SLC25A42: variants seen among roughly 807,000 people sequenced by gnomAD.
SLC25A42 encodes the protein solute carrier family 25 member 42.
SLC25A42 carries 19 observed loss-of-function variants against 34.7 expected under a neutral mutation model. The observed-to-expected ratio is 0.55, with a 90% CI of 0.38 to 0.80. The LOEUF is 0.80. Among genes scored for constraint, SLC25A42 ranks in the 30% least tolerant of loss-of-function variants. The pLI, the probability that SLC25A42 is intolerant of heterozygous loss-of-function variation, is 0.00. For synonymous variants in SLC25A42, 205 were observed against 191.2 expected (o/e 1.07, Z -0.59); for missense variants, 364 against 441.3 (o/e 0.82, Z 1.57).
chr19:19,110,400 G>A (rs576295495), intron 7 of SLC25A42, among the ~76,000 whole-genome samples, 169 bp from the exon 8 acceptor site: 10 of 152,322 alleles, frequency 6.6e-5, no homozygotes, highest in African/African-American at 2.4e-4. Flanking sequence ...ACCCGGAGGT[G>A]AGGCAGTGGG....
intron 6 of SLC25A42, chr19:19,107,010 A>G (rs1300260592): frequency 6.7e-6 from 1 of 149,022 alleles, no homozygotes; most frequent in Admixed American, 6.8e-5. Context: ...GATCATGAAA[A>G]ATGTGTAAGA....
In SLC25A42 at chr19:19,103,168, A is replaced by G. The variant is rs184497462; in HGVS notation, c.187+1282A>G. Among the ~76,000 whole-genome samples, 9 of 152,214 alleles carry G rather than the reference A, an allele frequency of 5.9e-5. No homozygotes were observed. The East Asian group carries it at 1.7e-3, about 29-fold the overall frequency. On this transcript the variant is annotated intron_variant, in intron 3 of 7. Transcript: ENST00000318596. Reference sequence around the variant, plus strand: ...GAGTTCAGTGGTGTGATCTTGGCTCAGTGCAACCTCCATCTCCCCAGTTCA... The same window carrying G: ...GAGTTCAGTGGTGTGATCTTGGCTCGGTGCAACCTCCATCTCCCCAGTTCA...
chr19:19,104,123 G>C (rs1007784530), intron 3 of SLC25A42, among the ~76,000 whole-genome samples: 1 of 152,054 alleles, frequency 6.6e-6, no homozygotes, highest in African/African-American at 2.4e-5. Flanking sequence ...ATGTTGGCCA[G>C]GCTGGTCTCG....
In SLC25A42 at chr19:19,104,833, G is replaced by C. The variant is rs2059817577; in HGVS notation, c.188-80G>C. The C allele has an allele frequency of 8.6e-6, 13 of 1,511,134 alleles. No individual in the cohort carries two copies. In the South Asian group the frequency reaches 1.0e-4, roughly 12 times the overall value. The allele number at this position is 1,511,134 out of a possible 1,614,324, so 93.6% of individuals were successfully genotyped here. A position where few individuals can be genotyped will look rare whatever the true frequency, so the allele number is the denominator to read the frequency against. On this transcript the variant is annotated intron_variant, in intron 3 of 7. Coordinates refer to ENST00000318596, the MANE Select transcript of SLC25A42 (RefSeq NM_178526.5). ...GGAAAAGGAGGGTGACTCTGCTAGT[G>C]GGTGCCAGGGGTGGGGCCACGCAGA... is the stretch of plus-strand genomic sequence containing the variant.
At chr19:19,067,752 G>C (rs1344584113) in intron 1 of SLC25A42, among the ~76,000 whole-genome samples, 1 of 151,172 alleles carries the variant, frequency 6.6e-6, no homozygotes, top group Non-Finnish European at 1.5e-5. Flanking sequence ...TCTAGGAAAA[G>C]AAAGATGAGG....
intron 1 of SLC25A42, among the ~76,000 whole-genome samples, chr19:19,092,042 C>CAGA (rs1275034675): frequency 1.3e-5 from 2 of 152,170 alleles, no homozygotes; most frequent in African/African-American, 4.8e-5. Flanking sequence ...GCAGCTGGAA[C>CAGA]AGAAGCAGGC....
chr19:19,096,181 C>T lies in SLC25A42; in HGVS notation c.57C>T (p.Val19=). The T allele has an allele frequency of 6.2e-7, 1 of 1,613,964 alleles. No individual in the cohort carries two copies. Among genetic ancestry groups the T allele is most frequent in the Non-Finnish European group, 8.5e-7 (1 of 1,179,940 alleles). ...PVRLHEDAEA[V]LSSSVSSKRD... ...GATTGCATGAGGATGCTGAGGCTGT[C>T]CTGTCCTCGTCCGTCTCATCAAAGG... Residue 19 remains valine (V), a synonymous_variant, in exon 2 of 8, where the codon GTC becomes GTT. Transcript: ENST00000318596.
rs1297716311 is a variant in SLC25A42, at chr19:19,081,322, G to A, written c.-34-14769G>A. Among the ~76,000 whole-genome samples the A allele has an allele frequency of 6.6e-6, 1 of 152,120 alleles. No homozygotes were observed. Among genetic ancestry groups the A allele is most frequent in the African/African-American group, 2.4e-5 (1 of 41,410 alleles). The stretch of plus-strand genomic sequence containing the variant: ...GACCACCACTATGACCAGCCTGGCA[G>A]GGGGTGATGATGAGAGGAAGTGACA... On this transcript the variant is annotated intron_variant, in intron 1 of 7. Coordinates refer to ENST00000318596, the MANE Select transcript of SLC25A42 (RefSeq NM_178526.5). This position sits in a 1 kb window ranked among gnomAD's most constrained non-coding sequence, Gnocchi z 4.5.
At chr19:19,071,451 T>G (rs1370372089) in intron 1 of SLC25A42, among the ~76,000 whole-genome samples, 1 of 152,108 alleles carries the variant, frequency 6.6e-6, no homozygotes, top group Non-Finnish European at 1.5e-5. Flanking sequence ...TATTGGTCAG[T>G]CTTGAGGAGA....
chr19:19,107,582 G>C (rs969316310), intron 6 of SLC25A42, among the ~76,000 whole-genome samples: 1 of 152,080 alleles, frequency 6.6e-6, no homozygotes, highest in Non-Finnish European at 1.5e-5. Flanking sequence ...AGTGAGCCAA[G>C]ACTGTGACAC....
intron 1 of SLC25A42, among the ~76,000 whole-genome samples, chr19:19,070,450 A>G (rs2059624135): frequency 6.6e-6 from 1 of 151,736 alleles, no homozygotes; most frequent in Non-Finnish European, 1.5e-5. Flanking sequence ...GGTGCGCACC[A>G]CCGCATCCAG....
In SLC25A42 at chr19:19,070,448, C is replaced by G. The variant is rs1829251586; in HGVS notation, c.-35+6333C>G. On this transcript the variant is annotated intron_variant, in intron 1 of 7. Transcript: ENST00000318596. ...AAGTAGCTAGGATTACAGGTGCGCA[C>G]CACCGCATCCAGCTAATTTTTGTAT... Among the ~76,000 whole-genome samples the G allele has an allele frequency of 2.0e-5, 3 of 152,090 alleles. No individual in the cohort carries two copies. In the South Asian group the frequency reaches 6.2e-4, roughly 32 times the overall value.
chr19:19,064,228 C>CA (rs1400188242), intron 1 of SLC25A42, 113 bp downstream of exon 1: 2 of 152,000 alleles, frequency 1.3e-5, no homozygotes, highest in African/African-American at 4.8e-5. Context: ...CCCCACACTC[C>CA]ACGTCTACTG....
intron 3 of SLC25A42, among the ~76,000 whole-genome samples, chr19:19,103,439 C>A (rs767766302): frequency 1.2e-4 from 19 of 152,186 alleles, no homozygotes; most frequent in Non-Finnish European, 2.6e-4. Context: ...TTAGGGCCCA[C>A]CCTAACCCAG....
intron 1 of SLC25A42, among the ~76,000 whole-genome samples, chr19:19,093,367 C>T (rs923952320): frequency 2.6e-5 from 4 of 152,186 alleles, no homozygotes; most frequent in Admixed American, 1.3e-4. Flanking sequence ...CCAAGTTCCC[C>T]GACACCGCAC....
intron 1 of SLC25A42, among the ~76,000 whole-genome samples, chr19:19,093,793 T>G (rs894196888): frequency 1.3e-5 from 2 of 152,230 alleles, no homozygotes; most frequent in African/African-American, 4.8e-5. Flanking sequence ...TTCTTCTGAC[T>G]CAGCCTCCTG....
chr19:19,105,820 C>A, intron 5 of SLC25A42, 93 bp downstream of exon 5: 1 of 1,153,166 alleles, frequency 8.7e-7, no homozygotes, highest in South Asian at 1.5e-5. Context: ...CTCTTCGTGC[C>A]TTGCCCCTAG....
intron 1 of SLC25A42, among the ~76,000 whole-genome samples, chr19:19,084,980 T>A (rs1435330603): frequency 2.0e-5 from 3 of 150,730 alleles, no homozygotes; most frequent in Non-Finnish European, 4.4e-5. Context: ...GAGTGCTTGA[T>A]GAAATGATGT....
intron 1 of SLC25A42, among the ~76,000 whole-genome samples, chr19:19,068,354 CAAAAAA>C (rs565352679): frequency 1.5e-5 from 1 of 68,890 alleles, no homozygotes; most frequent in Admixed American, 1.8e-4. Context: ...GACTCTGTCT[CAAAAAA>C]AAAAAAAAAA....
Sources: gnomAD v4.1 joint callset for allele counts (sites outside exome capture counted in the v4.1 genomes callset) on GRCh38, gnomAD v4.1.1 for gene constraint, Gnocchi (gnomAD v3.1) non-coding constraint, MANE v1.5 for transcripts, NCBI Gene and HGNC (gene_info 2026-07-23, HGNC 2026-07-21) for gene names.